METTL25: variants seen among roughly 807,000 people sequenced by gnomAD.
METTL25 encodes the protein probable methyltransferase-like protein 25.
A neutral mutation model predicts 71.6 loss-of-function variants in METTL25; 64 were observed. The ratio of observed to expected loss-of-function variants is 0.89; its 90% CI spans 0.73 to 1.10. The LOEUF (loss-of-function observed/expected upper bound fraction) is 1.10, where lower values mean the gene tolerates loss of function less well. METTL25 is among the 50% of genes least tolerant of loss of function. METTL25 has a pLI of 0.00. For synonymous variants in METTL25, 287 were observed against 250.3 expected (o/e 1.15, Z -1.38); for missense variants, 807 against 707.0 (o/e 1.14, Z -1.60).
intron 5 of METTL25, among the ~76,000 whole-genome samples, chr12:82,422,271 A>G (rs1235477926): frequency 6.6e-6 from 1 of 152,208 alleles, no homozygotes; most frequent in Admixed American, 6.5e-5. Flanking sequence ...GTAATCCGGC[A>G]TATAAACAGA....
intron 8 of METTL25, among the ~76,000 whole-genome samples, chr12:82,450,604 T>G (rs1346859303): frequency 1.3e-5 from 2 of 152,204 alleles, no homozygotes; most frequent in African/African-American, 2.4e-5. Context: ...CAGTGGCTTC[T>G]GTTTACCTCA....
At chr12:82,387,715 G>GCAAA (rs1555204988) in intron 2 of METTL25, among the ~76,000 whole-genome samples, 1 of 150,562 alleles carries the variant, frequency 6.6e-6, no homozygotes, top group African/African-American at 2.4e-5. Context: ...ACACACACGC[G>GCAAA]CACACACACA....
At chr12:82,458,215 T>C (rs192148519) in intron 9 of METTL25, among the ~76,000 whole-genome samples, 48 of 152,278 alleles carry the variant, frequency 3.2e-4, no homozygotes, top group African/African-American at 9.4e-4. Flanking sequence ...GTGATAGATA[T>C]TATGCTATGG....
chr12:82,390,082 C>T (rs1342147111), intron 3 of METTL25, among the ~76,000 whole-genome samples, 160 bp downstream of exon 3: 1 of 152,036 alleles, frequency 6.6e-6, no homozygotes, highest in Admixed American at 6.6e-5. Flanking sequence ...TTTAAGCATA[C>T]ACTGTTATTT....
chr12:82,420,004 A>G (rs1394731194), intron 5 of METTL25, among the ~76,000 whole-genome samples: 1 of 152,182 alleles, frequency 6.6e-6, no homozygotes, highest in Admixed American at 6.5e-5. Context: ...TGTGGTACAC[A>G]CATACAATGG....
At chr12:82,439,936 C>G (rs1399567532) in intron 8 of METTL25, 2 of 448,332 alleles carry the variant, frequency 4.5e-6, no homozygotes, top group African/African-American at 4.3e-5. Flanking sequence ...CTTAAAAACT[C>G]AATACTTTCC....
At chr12:82,400,565 A>G (rs1335892190) in intron 4 of METTL25, among the ~76,000 whole-genome samples, 1 of 109,778 alleles carries the variant, frequency 9.1e-6, no homozygotes, top group South Asian at 3.7e-4. Context: ...AGGGTTAAAC[A>G]ATCTCAATGA....
intron 8 of METTL25, among the ~76,000 whole-genome samples, chr12:82,454,413 G>C (rs1262637320): frequency 6.6e-6 from 1 of 152,024 alleles, no homozygotes; most frequent in Non-Finnish European, 1.5e-5. Flanking sequence ...TGTTGTTGAG[G>C]AGGCAGTGTT....
rs1592651171 is a variant in METTL25 at position 82,398,896 on chromosome 12, T to C, written c.633T>C (p.His211=). 6.2e-7 allele frequency: 1 copy of C among 1,612,122 alleles called. No individual in the cohort carries two copies. Among genetic ancestry groups the C allele is most frequent in the East Asian group, 2.2e-5 (1 of 44,758 alleles). The change falls in exon 4 of 12, where the codon CAT becomes CAC. Residue 211 remains histidine (H), a synonymous_variant. Transcript: ENST00000248306. ...TTGATTCTTCAAATACCAATACTCA[T>C]GGAGCTGAGGAGAGAAACAGAAAAT... ...YGIDSSNTNT[H]GAEERNRKLK...
At chr12:82,403,676 G>A (rs1886834725) in intron 5 of METTL25, among the ~76,000 whole-genome samples, 1 of 152,208 alleles carries the variant, frequency 6.6e-6, no homozygotes, top group African/African-American at 2.4e-5. Flanking sequence ...AGAAGGTGCT[G>A]ATGAGCAGAG....
chr12:82,396,432 T>G (rs2136990885), intron 3 of METTL25, among the ~76,000 whole-genome samples: 1 of 152,190 alleles, frequency 6.6e-6, no homozygotes, highest in South Asian at 2.1e-4. Context: ...ATTACGGTTA[T>G]GCATTACTGT....
At chr12:82,447,221 TCAG>T (rs1890821493) in intron 8 of METTL25, among the ~76,000 whole-genome samples, 2 of 152,186 alleles carry the variant, frequency 1.3e-5, no homozygotes, top group African/African-American at 4.8e-5. Flanking sequence ...TATACATGCC[TCAG>T]CAGTTTTACA....
At chr12:82,418,281 G>A (rs902670477) in intron 5 of METTL25, among the ~76,000 whole-genome samples, 14 of 152,004 alleles carry the variant, frequency 9.2e-5, no homozygotes, top group African/African-American at 2.7e-4. Flanking sequence ...GTTCAGTTTC[G>A]AACAGGTTGA....
At chr12:82,442,658 G>T (rs1890436555) in intron 8 of METTL25, among the ~76,000 whole-genome samples, 2 of 152,052 alleles carry the variant, frequency 1.3e-5, no homozygotes. Flanking sequence ...CTGTATCTTG[G>T]CTGCATCCAC....
chr12:82,439,492 C>T (rs1890166794), intron 8 of METTL25, among the ~76,000 whole-genome samples: 1 of 151,730 alleles, frequency 6.6e-6, no homozygotes, highest in African/African-American at 2.4e-5. Context: ...AGGCAATTTT[C>T]AGGTTCTCAA....
intron 8 of METTL25, chr12:82,439,753 A>G: frequency 2.6e-6 from 1 of 387,706 alleles, no homozygotes; most frequent in Non-Finnish European, 3.5e-6. Context: ...TCCTTCTCTT[A>G]TATTTACCCT....
chr12:82,405,230 T>A (rs1024135232), intron 5 of METTL25, among the ~76,000 whole-genome samples: 7 of 152,136 alleles, frequency 4.6e-5, no homozygotes, highest in Non-Finnish European at 1.0e-4. Context: ...CTACTCTCTC[T>A]CACACTCTTT....
intron 6 of METTL25, among the ~76,000 whole-genome samples, chr12:82,433,565 T>C (rs1243109268): frequency 1.3e-5 from 2 of 151,630 alleles, no homozygotes; most frequent in Non-Finnish European, 3.0e-5. Flanking sequence ...CTCCACATGG[T>C]GTGAGGGCAT....
At chr12:82,475,573 A>C (rs1298388539) in intron 9 of METTL25, among the ~76,000 whole-genome samples, 1 of 152,122 alleles carries the variant, frequency 6.6e-6, no homozygotes, top group Non-Finnish European at 1.5e-5. Flanking sequence ...TCTGAGTACA[A>C]GTCTTTTCAG....
Sources: allele counts gnomAD v4.1 joint callset (sites outside exome capture counted in the v4.1 genomes callset), GRCh38; gene constraint gnomAD v4.1.1; transcripts MANE v1.5; gene names NCBI Gene and HGNC (gene_info 2026-07-23, HGNC 2026-07-21).